The following TMCO5A variants were observed in gnomAD, a reference collection of about 807,000 sequenced individuals.
TMCO5A encodes transmembrane and coiled-coil domains 5A.
A neutral mutation model predicts 42.3 loss-of-function variants in TMCO5A; 34 were observed. That is an observed-to-expected ratio of 0.80 (90% CI 0.61 to 1.07). The LOEUF (loss-of-function observed/expected upper bound fraction) is 1.07. Among genes scored for constraint, TMCO5A ranks in the 50% least tolerant of loss-of-function variants. The probability of loss-of-function intolerance (pLI) is 0.00; values close to 1 mark genes in which losing one functional copy is unlikely to be tolerated. For missense variants in TMCO5A, 357 were observed against 327.9 expected (o/e 1.09, Z -0.69); for synonymous variants, 131 against 115.6 (o/e 1.13, Z -0.86).
At position 37,942,266 on chromosome 15, in the gene TMCO5A, G is replaced by T. The variant is rs1889774875; in HGVS notation, c.569+11G>T. 1.2e-6 allele frequency: 2 copies of T among 1,611,714 alleles called. No individual in the cohort carries two copies. Among genetic ancestry groups the T allele is most frequent in the South Asian group, 2.2e-5 (2 of 90,894 alleles). On this transcript the variant is annotated intron_variant, in intron 9 of 11. Transcript: ENST00000319669. Reference sequence around the variant, plus strand: ...CCTTGAGAGAGAAGTGTGAGCTTTGGCAAAGGAACATCCTGGTTTTGGTAG... The same window carrying T: ...CCTTGAGAGAGAAGTGTGAGCTTTGTCAAAGGAACATCCTGGTTTTGGTAG...
At chr15:37,986,458 C>A in the TMCO5A span, among the ~76,000 whole-genome samples, 1 of 145,892 alleles carries the variant, frequency 6.9e-6, no homozygotes, top group Non-Finnish European at 1.5e-5. Context: ...GTAAAAAATA[C>A]ATACGAAATT....
the TMCO5A span, among the ~76,000 whole-genome samples, chr15:38,025,433 T>C: frequency 6.6e-6 from 1 of 152,132 alleles, no homozygotes; most frequent in African/African-American, 2.4e-5. Flanking sequence ...CTTAAATTCA[T>C]AGTCTGCCTT....
At chr15:37,979,937 T>C in the TMCO5A span, among the ~76,000 whole-genome samples, 1 of 151,844 alleles carries the variant, frequency 6.6e-6, no homozygotes, top group African/African-American at 2.4e-5. Flanking sequence ...ACAGCTGCAC[T>C]GTGTCTTATG....
At chr15:37,970,328 A>G (rs952461385), downstream of TMCO5A, among the ~76,000 whole-genome samples, 31 of 152,162 alleles carry the variant, frequency 2.0e-4, no homozygotes, top group African/African-American at 6.0e-4. Flanking sequence ...CCATTTTTAA[A>G]ACCATCTGCT....
At chr15:37,983,201 A>C in the TMCO5A span, among the ~76,000 whole-genome samples, 2 of 152,164 alleles carry the variant, frequency 1.3e-5, no homozygotes, top group Non-Finnish European at 2.9e-5. Flanking sequence ...AAACATGATA[A>C]TGTTCCATTT....
chr15:37,985,742 T>G, the TMCO5A span, among the ~76,000 whole-genome samples: 1 of 152,188 alleles, frequency 6.6e-6, no homozygotes. Context: ...ACGTTTTGCC[T>G]TGGTCATTCC....
At chr15:37,966,655 C>A in exon 12 of TMCO5A, 1 of 702,882 alleles carries the variant, frequency 1.4e-6, no homozygotes, top group Non-Finnish European at 2.6e-6. Flanking sequence ...GGCAAGATGG[C>A]TGCCAACAAT....
the TMCO5A span, among the ~76,000 whole-genome samples, chr15:38,028,985 T>C: frequency 2.0e-5 from 3 of 152,210 alleles, no homozygotes; most frequent in Admixed American, 6.5e-5. Context: ...TTTGAGTCTA[T>C]ACTCAATGGA....
chr15:37,968,744 G>A (rs1180734218), downstream of TMCO5A, among the ~76,000 whole-genome samples: 1 of 151,812 alleles, frequency 6.6e-6, no homozygotes, highest in Non-Finnish European at 1.5e-5. Flanking sequence ...CACCACGCCC[G>A]GCTAATTTTT....
At chr15:37,967,061 T>C in exon 12 of TMCO5A, 1 of 177,396 alleles carries the variant, frequency 5.6e-6, no homozygotes, top group East Asian at 1.5e-4. Flanking sequence ...GATAGTAGAT[T>C]AAGACGGTGA....
chr15:37,938,300 C>A, intron 6 of TMCO5A, 71 bp downstream of exon 6: 1 of 1,302,466 alleles, frequency 7.7e-7, no homozygotes, highest in South Asian at 1.3e-5. Flanking sequence ...AGTTGGAAAT[C>A]AATGTCAACG....
the TMCO5A span, among the ~76,000 whole-genome samples, chr15:38,033,130 G>A: frequency 1.3e-5 from 2 of 151,808 alleles, no homozygotes; most frequent in East Asian, 1.9e-4. Flanking sequence ...GGGTTTCACC[G>A]TGTTAGCCAG....
the TMCO5A span, among the ~76,000 whole-genome samples, chr15:38,011,092 C>G: frequency 6.6e-6 from 1 of 152,204 alleles, no homozygotes; most frequent in Non-Finnish European, 1.5e-5. Flanking sequence ...GTTACTTAAA[C>G]AGCAAATGTG....
the TMCO5A span, among the ~76,000 whole-genome samples, chr15:38,010,383 C>CAAAAAAAA: frequency 5.0e-5 from 2 of 40,322 alleles, no homozygotes; most frequent in South Asian, 1.3e-3. Context: ...ACTCCGTCTC[C>CAAAAAAAA]AAAAAAAAAA....
the TMCO5A span, among the ~76,000 whole-genome samples, chr15:37,986,568 T>C: frequency 6.6e-6 from 1 of 152,062 alleles, no homozygotes; most frequent in Non-Finnish European, 1.5e-5. Flanking sequence ...GGTCTTTTTA[T>C]CTTGCAAAAC....
At chr15:38,012,586 T>C in the TMCO5A span, among the ~76,000 whole-genome samples, 2 of 152,074 alleles carry the variant, frequency 1.3e-5, no homozygotes, top group Non-Finnish European at 1.5e-5. Context: ...GCACTGCTTT[T>C]AGATGTTATG....
intron 11 of TMCO5A, among the ~76,000 whole-genome samples, chr15:37,960,410 C>A (rs1049213775): frequency 2.0e-5 from 3 of 151,988 alleles, no homozygotes; most frequent in Non-Finnish European, 4.4e-5. Context: ...AAATATACCA[C>A]AATTTTTTTA....
At chr15:37,984,595 C>T in the TMCO5A span, among the ~76,000 whole-genome samples, 1,299 of 151,170 alleles carry the variant, frequency 8.6e-3, 11 homozygotes, top group Admixed American at 0.014. Context: ...AATATTGAAA[C>T]CTATCACCAA....
the TMCO5A span, among the ~76,000 whole-genome samples, chr15:38,035,920 T>C: frequency 1.3e-5 from 2 of 152,182 alleles, no homozygotes; most frequent in African/African-American, 2.4e-5. Flanking sequence ...AGGATATGAA[T>C]CAGACACCAG....
Sources: gnomAD v4.1 joint callset for allele counts (sites outside exome capture counted in the v4.1 genomes callset) on GRCh38, gnomAD v4.1.1 for gene constraint, MANE v1.5 for transcripts, NCBI Gene and HGNC (gene_info 2026-07-23, HGNC 2026-07-21) for gene names.